SOCS7: variants seen among roughly 807,000 people sequenced by gnomAD.
SOCS7 encodes NAP-4.
Under a neutral mutation model 58.9 loss-of-function variants are expected in SOCS7, and 18 were observed. That is an observed-to-expected ratio of 0.31 (90% CI 0.21 to 0.45). The LOEUF is 0.45. Ranked by LOEUF, SOCS7 falls within the 20% of genes least tolerant of loss-of-function variation. The pLI is 1.00. For synonymous variants in SOCS7, 388 were observed against 364.3 expected, an observed-to-expected ratio of 1.06 and a Z score of -0.74; for missense variants, 667 against 837.3, an observed-to-expected ratio of 0.80 and a Z score of 2.51.
chr17:38,352,707 C>T lies in SOCS7; in HGVS notation c.655C>T (p.Pro219Ser), dbSNP rs1439313245. Residue 219 changes from proline (P) to serine (S), a missense_variant, in exon 1 of 10, where the codon CCA (proline) becomes TCA (serine). Around this residue, in one of 9 missense-constraint regions of SOCS7, gnomAD observed 208 missense variants for 190.3 expected, o/e 1.09. Coordinates refer to ENST00000612932, the MANE Select transcript of SOCS7 (RefSeq NM_014598.4). This position sits in a 1 kb window ranked among gnomAD's most constrained non-coding sequence, Gnocchi z 5.5. ...GGGGRLLLQP[P>S]GPELPPVPFP... Reference sequence around the variant, plus strand: ...GGGCGGCCGGCTTCTGCTGCAGCCCCCAGGCCCTGAATTACCTCCGGTGCC... The same window carrying T: ...GGGCGGCCGGCTTCTGCTGCAGCCCTCAGGCCCTGAATTACCTCCGGTGCC... The T allele has an allele frequency of 2.6e-6, 4 of 1,549,990 alleles. No individual in the cohort carries two copies. Among genetic ancestry groups the T allele is most frequent in the Admixed American group, 2.0e-5 (1 of 51,000 alleles).
At chr17:38,359,648 G>A (rs2037688445) in intron 1 of SOCS7, among the ~76,000 whole-genome samples, 1 of 151,880 alleles carries the variant, frequency 6.6e-6, no homozygotes, top group Non-Finnish European at 1.5e-5. Context: ...AGACCTTTGG[G>A]TAAGAGTATT....
intron 7 of SOCS7, among the ~76,000 whole-genome samples, chr17:38,395,051 AAAAAC>A (rs1277616268): frequency 6.6e-6 from 1 of 152,206 alleles, no homozygotes. Context: ...CCCTGTCTCA[AAAAAC>A]AAAACAAAAG....
At chr17:38,373,899 G>T (rs548794552) in intron 6 of SOCS7, among the ~76,000 whole-genome samples, 1 of 152,330 alleles carries the variant, frequency 6.6e-6, no homozygotes, top group South Asian at 2.1e-4. Context: ...AGAACATCAT[G>T]AATGTCTGGA....
chr17:38,378,363 A>G (rs935958413), intron 7 of SOCS7, among the ~76,000 whole-genome samples: 1 of 152,016 alleles, frequency 6.6e-6, no homozygotes, highest in Admixed American at 6.6e-5. Flanking sequence ...AAAAATAAAA[A>G]ATTAGCCAGG....
At chr17:38,383,380 G>A (rs1352238169) in intron 7 of SOCS7, among the ~76,000 whole-genome samples, 1 of 152,118 alleles carries the variant, frequency 6.6e-6, no homozygotes, top group Non-Finnish European at 1.5e-5. Context: ...AGTGTTTAAG[G>A]TGGTATCTCT....
intron 5 of SOCS7, 137 bp downstream of exon 5, chr17:38,366,554 G>A: frequency 9.5e-7 from 1 of 1,056,992 alleles, no homozygotes; most frequent in Non-Finnish European, 1.4e-6. Context: ...GGGTGTGGTG[G>A]CATAATCATA....
chr17:38,405,554 G>A lies in SOCS7; in HGVS notation c.*6072G>A, dbSNP rs376610237. ...GTACCTACCCATGTCTTTTTGGGGA[G>A]GGGTGAAAAGAGATTTGAAATAAAA... On this transcript the variant is annotated 3_prime_UTR_variant, in exon 10 of 10. Coordinates refer to ENST00000612932, the MANE Select transcript of SOCS7 (RefSeq NM_014598.4). 1 of 152,132 alleles carries A rather than the reference G, an allele frequency of 6.6e-6. No individual in the cohort carries two copies. The highest frequency in any genetic ancestry group is 1.5e-5 in the Non-Finnish European group (1 of 68,016). 9.4% of individuals were successfully genotyped at this position (152,132 alleles called of 1,614,324 possible). A position where few individuals can be genotyped will look rare whatever the true frequency, so the allele number is the denominator to read the frequency against.
chr17:38,393,301 A>G (rs1242446989), intron 7 of SOCS7, among the ~76,000 whole-genome samples: 1 of 152,152 alleles, frequency 6.6e-6, no homozygotes, highest in Non-Finnish European at 1.5e-5. Context: ...TGCGGTGTAC[A>G]TGCTTTCATT....
At chr17:38,387,470 A>G (rs1325174852) in intron 7 of SOCS7, among the ~76,000 whole-genome samples, 2 of 143,580 alleles carry the variant, frequency 1.4e-5, no homozygotes, top group East Asian at 2.0e-4. Context: ...TATATACACA[A>G]TATATAGTAT....
rs780083885 is a variant in SOCS7 at position 38,364,838 on chromosome 17, A to G, written c.1132A>G (p.Arg378Gly). The G allele has an allele frequency of 2.5e-6, 4 of 1,613,196 alleles. No individual in the cohort carries two copies. The African/African-American group carries it at 5.4e-5, about 22-fold the overall frequency. Residue 378 changes from arginine to glycine, a missense_variant, in exon 3 of 10, where the codon AGA (arginine) becomes GGA (glycine). Coordinates refer to ENST00000612932, the MANE Select transcript of SOCS7 (RefSeq NM_014598.4). The stretch of plus-strand genomic sequence containing the variant: ...TCCAACTCCCCCTCCTCCTCCGAGA[A>G]GAAGCCTCAGCCTCCTAGGTATAGT... Reference protein sequence around the residue: ...HPPTPPPPPRRSLSLLDDISG... With the variant: ...HPPTPPPPPRGSLSLLDDISG...
Position 38,382,437 on chromosome 17 carries a change from C to CAA in SOCS7, c.1681+4618_1681+4619dup, listed in dbSNP as rs1190332565. Among the ~76,000 whole-genome samples, 360 of 68,378 alleles carry CAA rather than the reference C, an allele frequency of 5.3e-3. 3 individuals carry two copies. Among genetic ancestry groups the CAA allele is most frequent in the African/African-American group, 0.012 (219 of 18,948 alleles). 44.9% of individuals were successfully genotyped at this position (68,378 alleles called of 152,430 possible). A position where few individuals can be genotyped will look rare whatever the true frequency, so the allele number is the denominator to read the frequency against. On this transcript the variant is annotated intron_variant, in intron 7 of 9. Coordinates refer to ENST00000612932, the MANE Select transcript of SOCS7 (RefSeq NM_014598.4). ...TGAGTAATAGAGCGAGACCCTATCT[C>CAA]AAAAAAAAAAAAAAAAAAAAAAAAT...
chr17:38,356,051 T>TTTTTTTA (rs1251363127), intron 1 of SOCS7, among the ~76,000 whole-genome samples: 1 of 151,954 alleles, frequency 6.6e-6, no homozygotes, highest in Non-Finnish European at 1.5e-5. Context: ...ACCCGGCTCA[T>TTTTTTTA]TTTTTTATTT....
chr17:38,398,671 CA>C (rs766311933), intron 9 of SOCS7, among the ~76,000 whole-genome samples: 1 of 152,110 alleles, frequency 6.6e-6, no homozygotes, highest in East Asian at 1.9e-4. Flanking sequence ...AATTTCATGC[CA>C]GGGGGTTTGG....
Position 38,404,893 on chromosome 17 carries a change from G to C in SOCS7, c.*5411G>C, listed in dbSNP as rs538404960. On this transcript the variant is annotated 3_prime_UTR_variant, in exon 10 of 10. Transcript: ENST00000612932. The stretch of plus-strand genomic sequence containing the variant: ...CTGTTGGAATGCCCACACTGGTGCT[G>C]CCTGTGGCATAGCCACTGCTGTACG... 3 of 152,356 alleles carry C rather than the reference G, an allele frequency of 2.0e-5. No homozygotes were observed. The highest frequency in any genetic ancestry group is 2.1e-4 in the South Asian group (1 of 4,830). 9.4% of individuals were successfully genotyped at this position (152,356 alleles called of 1,614,324 possible). A position where few individuals can be genotyped will look rare whatever the true frequency, so the allele number is the denominator to read the frequency against.
In SOCS7 at chr17:38,389,865, GTACATATATATATATA is replaced by G. The variant is rs2038134838; in HGVS notation, c.1682-5442_1682-5427del. Among the ~76,000 whole-genome samples, 33 of 26,896 alleles carry G rather than the reference GTACATATATATATATA, an allele frequency of 1.2e-3. 4 individuals carry two copies. Among genetic ancestry groups the G allele is most frequent in the African/African-American group, 3.3e-3 (31 of 9,338 alleles). The allele number at this position is 26,896 out of a possible 152,430, so 17.6% of individuals were successfully genotyped here. On this transcript the variant is annotated intron_variant, in intron 7 of 9. Transcript: ENST00000612932. The stretch of plus-strand genomic sequence containing the variant: ...ATTTTTTTGTTTGGTGTGTATGTGT[GTACATATATATATATA>G]TGTACATATATATATATACACATAT...
At chr17:38,389,912 G>T (rs1349082570) in intron 7 of SOCS7, among the ~76,000 whole-genome samples, 107 of 6,968 alleles carry the variant, frequency 0.015, 1 homozygote, top group Middle Eastern at 0.25. Context: ...CATATAGAGA[G>T]AGAGAGAGAG....
At chr17:38,391,564 T>A (rs1212625891) in intron 7 of SOCS7, among the ~76,000 whole-genome samples, 1 of 152,018 alleles carries the variant, frequency 6.6e-6, no homozygotes, top group Admixed American at 6.6e-5. Flanking sequence ...CTAATTTTTT[T>A]AATTTTAATT....
intron 9 of SOCS7, among the ~76,000 whole-genome samples, chr17:38,397,593 C>G (rs949112841): frequency 5.9e-5 from 9 of 152,236 alleles, no homozygotes. Context: ...TTTACAAGAA[C>G]CTTTTTAACA....
At chr17:38,360,963 G>T (rs2037711110) in intron 1 of SOCS7, among the ~76,000 whole-genome samples, 2 of 152,216 alleles carry the variant, frequency 1.3e-5, no homozygotes, top group African/African-American at 2.4e-5. Flanking sequence ...ATTTCTTGCT[G>T]AAAAGCCACT....
Sources: allele counts gnomAD v4.1 joint callset (sites outside exome capture counted in the v4.1 genomes callset), GRCh38; gene constraint gnomAD v4.1.1; regional missense constraint gnomAD v4.1.1; non-coding constraint Gnocchi (gnomAD v3.1); transcripts MANE v1.5; gene names NCBI Gene and HGNC (gene_info 2026-07-23, HGNC 2026-07-21).